SDK1: variants seen among roughly 807,000 people sequenced by gnomAD.
SDK1 encodes the protein protein sidekick-1.
A neutral mutation model predicts 245.5 loss-of-function variants in SDK1; 157 were observed. That is an observed-to-expected ratio of 0.64 (90% CI 0.56 to 0.73). The LOEUF (loss-of-function observed/expected upper bound fraction) is 0.73, where lower values mean the gene tolerates loss of function less well. Ranked by LOEUF, SDK1 falls within the 30% of genes least tolerant of loss-of-function variation. SDK1 has a pLI of 0.00. For synonymous variants in SDK1, 1,647 were observed against 1,278.5 expected, an observed-to-expected ratio of 1.29 and a Z score of -6.15; for missense variants, 3,583 against 3,002.3, an observed-to-expected ratio of 1.19 and a Z score of -4.52.
chr7:4,070,174 C>G (rs1780159175), intron 20 of SDK1, among the ~76,000 whole-genome samples: 1 of 152,162 alleles, frequency 6.6e-6, no homozygotes, highest in South Asian at 2.1e-4. Context: ...AGAAATAATA[C>G]TTGCATTTCT....
intron 41 of SDK1, among the ~76,000 whole-genome samples, chr7:4,235,706 A>G (rs944068577): frequency 6.6e-6 from 1 of 152,128 alleles, no homozygotes; most frequent in Non-Finnish European, 1.5e-5. Context: ...CTTTGACCCC[A>G]CTTCCCAGGG....
intron 1 of SDK1, among the ~76,000 whole-genome samples, chr7:3,562,815 A>C (rs911433426): frequency 6.6e-6 from 1 of 152,166 alleles, no homozygotes; most frequent in Non-Finnish European, 1.5e-5. Context: ...CTTCAGCTAT[A>C]CAAGACCTTA....
In SDK1 at chr7:3,832,588, A is replaced by G. The variant is rs138463639; in HGVS notation, c.847+11005A>G. On this transcript the variant is annotated intron_variant, in intron 5 of 44. Coordinates refer to ENST00000404826, the MANE Select transcript of SDK1 (RefSeq NM_152744.4). ...CCACTTAACAATGCTGAAGACCATT[A>G]GCAAATCCAGAGTGCTATATTCCCT... is the stretch of plus-strand genomic sequence containing the variant. 1.8e-3 allele frequency among the ~76,000 whole-genome samples: 280 copies of G among 152,336 alleles called. 4 individuals are homozygous for G. Among genetic ancestry groups the G allele is most frequent in the Admixed American group, 0.012 (179 of 15,300 alleles).
intron 19 of SDK1, among the ~76,000 whole-genome samples, chr7:4,059,584 TA>T (rs2128170209): frequency 6.6e-6 from 1 of 152,338 alleles, no homozygotes; most frequent in African/African-American, 2.4e-5. Flanking sequence ...CGCTTTAGAC[TA>T]AATGGACCTA....
chr7:3,964,506 T>C (rs1038230609), intron 9 of SDK1, among the ~76,000 whole-genome samples: 1 of 152,232 alleles, frequency 6.6e-6, no homozygotes, highest in Non-Finnish European at 1.5e-5. Context: ...TATTGAACAA[T>C]TGTAGTTCTT....
At chr7:3,922,907 G>A (rs1380755658) in intron 5 of SDK1, among the ~76,000 whole-genome samples, 1 of 152,100 alleles carries the variant, frequency 6.6e-6, no homozygotes, top group Admixed American at 6.5e-5. Flanking sequence ...GATCTTTTGG[G>A]TCAATCTTCC....
intron 2 of SDK1, among the ~76,000 whole-genome samples, chr7:3,636,646 G>C (rs372999951): frequency 6.6e-6 from 1 of 152,144 alleles, no homozygotes. Context: ...GCTAATTGTG[G>C]ATAATGCTGC....
intron 14 of SDK1, among the ~76,000 whole-genome samples, chr7:3,994,274 C>T (rs1784546141): frequency 6.6e-6 from 1 of 152,170 alleles, no homozygotes; most frequent in African/African-American, 2.4e-5. Context: ...CCTCCATGTC[C>T]CAGGGCTTAT....
intron 8 of SDK1, 99 bp downstream of exon 8, chr7:3,959,113 A>G (rs374321866): frequency 4.3e-6 from 4 of 925,456 alleles, no homozygotes; most frequent in African/African-American, 1.6e-5. Flanking sequence ...GGAGACATTG[A>G]GTGTGATGGC....
intron 1 of SDK1, among the ~76,000 whole-genome samples, chr7:3,371,602 C>T (rs570490320): frequency 6.6e-5 from 10 of 152,210 alleles, no homozygotes; most frequent in African/African-American, 2.4e-4. Flanking sequence ...GACTTAAAAT[C>T]CCTACTAAGA....
intron 1 of SDK1, among the ~76,000 whole-genome samples, chr7:3,560,108 C>T (rs926840355): frequency 5.9e-5 from 9 of 152,178 alleles, no homozygotes; most frequent in Non-Finnish European, 1.2e-4. Flanking sequence ...TTGAATTCTT[C>T]TTTGTATTAG....
At chr7:3,599,216 T>C (rs577458264) in intron 1 of SDK1, among the ~76,000 whole-genome samples, 1 of 152,004 alleles carries the variant, frequency 6.6e-6, no homozygotes, top group South Asian at 2.1e-4. Context: ...GATTCTCTAA[T>C]CGTTAATGAT....
chr7:3,948,754 C>T (rs949469353), intron 5 of SDK1, among the ~76,000 whole-genome samples: 1 of 152,204 alleles, frequency 6.6e-6, no homozygotes, highest in Non-Finnish European at 1.5e-5. Flanking sequence ...GCTGAGCCCC[C>T]ACCAGTCTGG....
intron 1 of SDK1, among the ~76,000 whole-genome samples, chr7:3,578,104 G>A (rs2128631705): frequency 6.6e-6 from 1 of 151,596 alleles, no homozygotes; most frequent in African/African-American, 2.4e-5. Flanking sequence ...TTTTATCAGG[G>A]GAACCCACCC....
At chr7:3,617,865 G>A (rs1040868209) in intron 1 of SDK1, among the ~76,000 whole-genome samples, 2 of 152,140 alleles carry the variant, frequency 1.3e-5, no homozygotes, top group Non-Finnish European at 2.9e-5. Flanking sequence ...GAGTTTTGGA[G>A]GGGACATTCA....
At chr7:3,845,152 G>C (rs753834621) in intron 5 of SDK1, among the ~76,000 whole-genome samples, 2 of 152,138 alleles carry the variant, frequency 1.3e-5, no homozygotes, top group Non-Finnish European at 2.9e-5. Flanking sequence ...ACTTCAGCCT[G>C]GAGGGTGAGG....
intron 35 of SDK1, among the ~76,000 whole-genome samples, chr7:4,202,729 C>G (rs1214880573): frequency 1.1e-3 from 167 of 152,216 alleles, no homozygotes; most frequent in Non-Finnish European, 8.8e-5. Flanking sequence ...GCCTCCACTC[C>G]TCCACCAAAT....
intron 4 of SDK1, among the ~76,000 whole-genome samples, chr7:3,738,790 A>G (rs756823607): frequency 1.3e-4 from 20 of 151,932 alleles, no homozygotes; most frequent in Non-Finnish European, 2.8e-4. Flanking sequence ...TTTTAATACT[A>G]TTGTAATGAA....
rs370443798 is a variant in SDK1 at position 3,864,263 on chromosome 7, ACTTCT to A, written c.847+42687_847+42691del. Among the ~76,000 whole-genome samples the A allele has an allele frequency of 7.8e-3, 1,183 of 152,238 alleles. 15 individuals carry two copies. The highest frequency in any genetic ancestry group is 0.027 in the African/African-American group (1,107 of 41,528). The stretch of plus-strand genomic sequence containing the variant: ...GTCAATTTGGGCAGGGATCAAGTTT[ACTTCT>A]CTTCTCCTTACGTTTCCTATTCTGT... On this transcript the variant is annotated intron_variant, in intron 5 of 44. Transcript: ENST00000404826.
Sources: allele counts gnomAD v4.1 joint callset (sites outside exome capture counted in the v4.1 genomes callset), GRCh38; gene constraint gnomAD v4.1.1; transcripts MANE v1.5; gene names NCBI Gene and HGNC (gene_info 2026-07-23, HGNC 2026-07-21).